Variants in LDLRAD3 observed in about 807,000 individuals in gnomAD.
LDLRAD3 encodes low-density lipoprotein receptor class A domain-containing protein 3.
LDLRAD3 carries 20 observed loss-of-function variants against 29.4 expected under a neutral mutation model. The observed-to-expected ratio is 0.68, with a 90% CI of 0.48 to 0.99. LDLRAD3 has a LOEUF of 0.99. LDLRAD3 is among the 50% of genes least tolerant of loss of function. The pLI is 0.00. For missense variants in LDLRAD3, 420 were observed against 454.3 expected (o/e 0.92, Z 0.69); for synonymous variants, 157 against 192.7 (o/e 0.81, Z 1.53).
chr11:36,119,122 AG>A (rs1429186743), intron 4 of LDLRAD3, among the ~76,000 whole-genome samples: 11 of 152,176 alleles, frequency 7.2e-5, no homozygotes, highest in African/African-American at 2.2e-4. Context: ...AAAATAAAAA[AG>A]GTTCGTCCGT....
intron 1 of LDLRAD3, among the ~76,000 whole-genome samples, chr11:36,004,446 G>A (rs929866046): frequency 6.6e-6 from 1 of 152,178 alleles, no homozygotes; most frequent in South Asian, 2.1e-4. Flanking sequence ...GATGCAAAAG[G>A]TGGGCTCTCA....
At chr11:36,142,225 CCT>C (rs1489127090) in intron 4 of LDLRAD3, among the ~76,000 whole-genome samples, 46 of 152,230 alleles carry the variant, frequency 3.0e-4, no homozygotes, top group Non-Finnish European at 2.1e-4. Flanking sequence ...TAGTTTCTGA[CCT>C]CTCTGATGGT....
chr11:35,991,166 G>T (rs1166540116), intron 1 of LDLRAD3, among the ~76,000 whole-genome samples: 2 of 152,158 alleles, frequency 1.3e-5, no homozygotes, highest in African/African-American at 4.8e-5. Context: ...TCTAGGTTGC[G>T]TATAAGAGCC....
chr11:36,181,094 T>C (rs971722639), intron 4 of LDLRAD3, among the ~76,000 whole-genome samples: 2 of 152,060 alleles, frequency 1.3e-5, no homozygotes, highest in African/African-American at 2.4e-5. Flanking sequence ...CGTGTGTGGC[T>C]CAATGTTAAC....
chr11:36,088,004 C>T (rs1044925527), intron 3 of LDLRAD3, among the ~76,000 whole-genome samples: 1 of 151,956 alleles, frequency 6.6e-6, no homozygotes, highest in Non-Finnish European at 1.5e-5. Context: ...CAGGCATGAG[C>T]CACTGCACCC....
chr11:36,070,718 A>T (rs1406012514), intron 2 of LDLRAD3, among the ~76,000 whole-genome samples: 1 of 152,132 alleles, frequency 6.6e-6, no homozygotes, highest in Non-Finnish European at 1.5e-5. Flanking sequence ...CCCCTAGGGG[A>T]GAGACTCAGG....
chr11:36,059,797 C>A (rs558157732), intron 2 of LDLRAD3, among the ~76,000 whole-genome samples: 1 of 152,268 alleles, frequency 6.6e-6, no homozygotes, highest in South Asian at 2.1e-4. Context: ...TCTTTTTCAT[C>A]CTCCCCTGAC....
intron 4 of LDLRAD3, among the ~76,000 whole-genome samples, chr11:36,122,146 C>T (rs1219977929): frequency 6.6e-6 from 1 of 152,082 alleles, no homozygotes. Flanking sequence ...ATCCATGCAC[C>T]TTAGGATTTT....
intron 4 of LDLRAD3, among the ~76,000 whole-genome samples, chr11:36,190,612 A>G (rs1201956235): frequency 2.6e-5 from 4 of 152,168 alleles, no homozygotes; most frequent in African/African-American, 4.8e-5. Context: ...GGGTTAGGAG[A>G]TATATATCCA....
intron 2 of LDLRAD3, among the ~76,000 whole-genome samples, chr11:36,065,638 T>G (rs1852778452): frequency 6.6e-6 from 1 of 152,200 alleles, no homozygotes; most frequent in African/African-American, 2.4e-5. Context: ...ACAGAGAATG[T>G]TTTCTTGTGC....
At chr11:36,009,031 C>T (rs1219325499) in intron 1 of LDLRAD3, among the ~76,000 whole-genome samples, 2 of 152,056 alleles carry the variant, frequency 1.3e-5, no homozygotes, top group East Asian at 3.9e-4. Flanking sequence ...AGATATCTCC[C>T]TCCTTTGTAT....
intron 1 of LDLRAD3, among the ~76,000 whole-genome samples, chr11:36,035,855 A>G (rs1053350423): frequency 7.9e-5 from 12 of 152,200 alleles, no homozygotes; most frequent in Admixed American, 5.9e-4. Context: ...AAGTCAGTGA[A>G]CACCCATTTT....
At chr11:36,116,880 C>T (rs1411408821) in intron 4 of LDLRAD3, among the ~76,000 whole-genome samples, 3 of 148,318 alleles carry the variant, frequency 2.0e-5, no homozygotes, top group African/African-American at 7.6e-5. Context: ...CTCACTCTGT[C>T]ACCCAGGCTG....
intron 1 of LDLRAD3, among the ~76,000 whole-genome samples, chr11:35,969,789 G>T (rs770112409): frequency 3.3e-5 from 5 of 152,202 alleles, no homozygotes; most frequent in African/African-American, 1.2e-4. Context: ...GGCAGAACCA[G>T]CTCCTCCAGG....
intron 4 of LDLRAD3, among the ~76,000 whole-genome samples, chr11:36,129,281 T>C (rs551490326): frequency 5.9e-5 from 9 of 152,188 alleles, no homozygotes; most frequent in Admixed American, 3.9e-4. Context: ...CCCAAAGGAT[T>C]TGGCTTGCAA....
chr11:36,039,878 A>G (rs1189309982), intron 2 of LDLRAD3, among the ~76,000 whole-genome samples: 1 of 152,238 alleles, frequency 6.6e-6, no homozygotes, highest in Non-Finnish European at 1.5e-5. Flanking sequence ...ACAGAAATAT[A>G]CAATGGTTTC....
At chr11:36,060,145 G>A (rs1370056900) in intron 2 of LDLRAD3, among the ~76,000 whole-genome samples, 1 of 152,110 alleles carries the variant, frequency 6.6e-6, no homozygotes, top group Non-Finnish European at 1.5e-5. Flanking sequence ...ACGAGGTCAG[G>A]TGATTGAGAC....
At chr11:36,226,711 G>A (rs773880936) in intron 4 of LDLRAD3, among the ~76,000 whole-genome samples, 5 of 152,016 alleles carry the variant, frequency 3.3e-5, no homozygotes, top group Non-Finnish European at 5.9e-5. Context: ...CCCACTCCAG[G>A]CAACCACTAA....
In LDLRAD3 at chr11:36,213,640, C is replaced by T. The variant is rs1359232723; in HGVS notation, c.455-13445C>T. Among the ~76,000 whole-genome samples the T allele has an allele frequency of 6.6e-6, 1 of 152,198 alleles. No homozygotes were observed. Among genetic ancestry groups the T allele is most frequent in the African/African-American group, 2.4e-5 (1 of 41,466 alleles). ...AGGCATGCAGGAGTGAAATGGGACC[C>T]CCAGGGCCGCTCCCACCCTGGGAGT... On this transcript the variant is annotated intron_variant, in intron 4 of 5. Transcript: ENST00000315571. This position sits in a 1 kb window ranked among gnomAD's most constrained non-coding sequence, Gnocchi z 4.1.
Sources: gnomAD v4.1 joint callset for allele counts (sites outside exome capture counted in the v4.1 genomes callset) on GRCh38, gnomAD v4.1.1 for gene constraint, Gnocchi (gnomAD v3.1) non-coding constraint, MANE v1.5 for transcripts, NCBI Gene and HGNC (gene_info 2026-07-23, HGNC 2026-07-21) for gene names.